Variants in NSMCE2 observed in about 807,000 individuals in gnomAD.
The protein encoded by NSMCE2 is E3 SUMO-protein ligase NSE2.
Under a neutral mutation model 23.8 loss-of-function variants are expected in NSMCE2, and 24 were observed. The observed-to-expected ratio is 1.01, with a 90% CI of 0.73 to 1.42. The LOEUF (loss-of-function observed/expected upper bound fraction) is 1.42. Among genes scored for constraint, NSMCE2 ranks in the 40% most tolerant of loss-of-function variants. The probability of loss-of-function intolerance (pLI) is 0.00; values close to 1 mark genes in which losing one functional copy is unlikely to be tolerated. For synonymous variants in NSMCE2, 92 were observed against 94.1 expected (o/e 0.98, Z 0.13); for missense variants, 284 against 296.5 (o/e 0.96, Z 0.31).
rs1340633468 is a variant in NSMCE2 at position 125,275,430 on chromosome 8, C to T, written c.419-81789C>T. On this transcript the variant is annotated intron_variant, in intron 5 of 7. Transcript: ENST00000287437. ...TAGAGAAGTGCCACTCTTTATTCTTCCCTGTACCCTCCCATGGTATCCAGC... is the reference window on the plus strand; with the variant it reads ...TAGAGAAGTGCCACTCTTTATTCTTTCCTGTACCCTCCCATGGTATCCAGC... 2.0e-5 allele frequency among the ~76,000 whole-genome samples: 3 copies of T among 152,178 alleles called. No homozygotes were observed. The East Asian group carries it at 5.8e-4, about 29-fold the overall frequency.
chr8:125,359,324 CTT>C (rs1331660687), intron 7 of NSMCE2, among the ~76,000 whole-genome samples: 3 of 131,458 alleles, frequency 2.3e-5, no homozygotes, highest in South Asian at 2.5e-4. Flanking sequence ...CTTTCTTGCT[CTT>C]TCTCTTTTTT....
intron 5 of NSMCE2, among the ~76,000 whole-genome samples, chr8:125,244,520 A>G (rs1370232369): frequency 6.6e-6 from 1 of 152,220 alleles, no homozygotes; most frequent in Non-Finnish European, 1.5e-5. Flanking sequence ...TTAAAAGACA[A>G]GGATTCGAAT....
chr8:125,357,147 C>G (rs1031905930), intron 5 of NSMCE2, 72 bp from the exon 6 acceptor site: 6 of 993,398 alleles, frequency 6.0e-6, no homozygotes, highest in Non-Finnish European at 9.5e-6. Flanking sequence ...CTCTTCACCT[C>G]CCTTCCTTCC....
intron 5 of NSMCE2, among the ~76,000 whole-genome samples, chr8:125,189,009 A>T (rs1033053029): frequency 8.5e-5 from 13 of 152,244 alleles, no homozygotes; most frequent in Non-Finnish European, 1.9e-4. Flanking sequence ...TTTCCTAGAA[A>T]CATATTGAGT....
intron 3 of NSMCE2, among the ~76,000 whole-genome samples, chr8:125,108,319 T>C (rs758628107): frequency 1.3e-5 from 2 of 152,122 alleles, no homozygotes; most frequent in African/African-American, 2.4e-5. Flanking sequence ...TGAGGTGCTG[T>C]CCAAGGACCC....
chr8:125,220,675 A>G (rs1824814114), intron 5 of NSMCE2, among the ~76,000 whole-genome samples: 1 of 152,002 alleles, frequency 6.6e-6, no homozygotes, highest in Non-Finnish European at 1.5e-5. Flanking sequence ...CTTACTCATA[A>G]TGTATCCTGT....
intron 1 of NSMCE2, among the ~76,000 whole-genome samples, chr8:125,099,585 A>T (rs550257545): frequency 1.3e-5 from 2 of 152,244 alleles, no homozygotes; most frequent in South Asian, 4.1e-4. Context: ...GTGCATCAGG[A>T]AGGGAGTGAT....
At position 125,352,700 on chromosome 8, in the gene NSMCE2, T is replaced by C. The variant is rs569112820; in HGVS notation, c.419-4519T>C. ...CTCAACTTTAAAACTTCTGTGATTC[T>C]AGTAGATGATCAATATTTTCTCTCC... On this transcript the variant is annotated intron_variant, in intron 5 of 7. Transcript: ENST00000287437. Among the ~76,000 whole-genome samples the C allele has an allele frequency of 1.1e-4, 16 of 152,316 alleles. No individual in the cohort carries two copies. In the South Asian group the frequency reaches 3.1e-3, roughly 30 times the overall value.
intron 5 of NSMCE2, among the ~76,000 whole-genome samples, chr8:125,333,970 C>A (rs1342980483): frequency 6.6e-6 from 1 of 152,066 alleles, no homozygotes; most frequent in Non-Finnish European, 1.5e-5. Flanking sequence ...GTCACCCTCA[C>A]AGTCAGTGCA....
intron 3 of NSMCE2, among the ~76,000 whole-genome samples, chr8:125,111,749 G>A (rs913767488): frequency 1.3e-4 from 20 of 152,244 alleles, no homozygotes; most frequent in African/African-American, 4.3e-4. Flanking sequence ...GCAGCGAGCC[G>A]AGATCACGCC....
intron 4 of NSMCE2, among the ~76,000 whole-genome samples, chr8:125,174,603 T>A (rs1207456569): frequency 2.6e-5 from 4 of 152,202 alleles, no homozygotes; most frequent in African/African-American, 9.7e-5. Context: ...TAGACAACTG[T>A]CTATTCTAAT....
intron 5 of NSMCE2, among the ~76,000 whole-genome samples, chr8:125,194,166 A>G (rs1823489950): frequency 6.6e-6 from 1 of 152,290 alleles, no homozygotes; most frequent in East Asian, 1.9e-4. Context: ...CATTTTACGG[A>G]TGAGGTTCTG....
At chr8:125,180,478 C>A (rs375774620) in intron 4 of NSMCE2, among the ~76,000 whole-genome samples, 1 of 152,124 alleles carries the variant, frequency 6.6e-6, no homozygotes, top group Admixed American at 6.5e-5. Flanking sequence ...AGCAATTAAG[C>A]AAAAGAAGAT....
intron 1 of NSMCE2, among the ~76,000 whole-genome samples, chr8:125,098,055 A>G (rs1280528230): frequency 6.6e-6 from 1 of 152,200 alleles, no homozygotes; most frequent in African/African-American, 2.4e-5. Context: ...AATGTAGAAC[A>G]GTGGTCTTCA....
intron 5 of NSMCE2, among the ~76,000 whole-genome samples, chr8:125,293,643 G>C (rs986352404): frequency 2.9e-5 from 4 of 136,794 alleles, no homozygotes; most frequent in African/African-American, 8.8e-5. Context: ...AACATTATGA[G>C]GTTGCTGAGA....
chr8:125,102,371 T>C lies in NSMCE2; in HGVS notation c.41T>C (p.Phe14Ser). ...AGTTCAAATTCAGGTTCAACTGGTT[T>C]CATCTCCTTCAGTGGTGTAGAGTCT... ...RSSSNSGSTG[F>S]ISFSGVESAL... Residue 14 changes from phenylalanine (F) to serine (S), a missense_variant, in exon 3 of 8, where the codon TTC becomes TCC. Transcript: ENST00000287437. 6.2e-7 allele frequency: 1 copy of C among 1,613,876 alleles called. No homozygotes were observed. The highest frequency in any genetic ancestry group is 8.5e-7 in the Non-Finnish European group (1 of 1,179,730).
intron 5 of NSMCE2, among the ~76,000 whole-genome samples, chr8:125,332,722 CT>C (rs1440021788): frequency 2.0e-5 from 3 of 152,212 alleles, no homozygotes; most frequent in African/African-American, 7.2e-5. Flanking sequence ...CCCCTATCCC[CT>C]TCAGGGTTCC....
intron 5 of NSMCE2, among the ~76,000 whole-genome samples, chr8:125,257,912 A>G (rs78388974): frequency 6.6e-6 from 1 of 152,204 alleles, no homozygotes. Flanking sequence ...GGCAATGAAG[A>G]GTAGCTAGAG....
At chr8:125,342,104 T>C (rs1158877792) in intron 5 of NSMCE2, among the ~76,000 whole-genome samples, 2 of 152,042 alleles carry the variant, frequency 1.3e-5, no homozygotes, top group African/African-American at 4.8e-5. Context: ...TAAAATGCCC[T>C]CCTGGACTGC....
Sources: allele counts gnomAD v4.1 joint callset (sites outside exome capture counted in the v4.1 genomes callset), GRCh38; gene constraint gnomAD v4.1.1; transcripts MANE v1.5; gene names NCBI Gene and HGNC (gene_info 2026-07-23, HGNC 2026-07-21).